IRAG2: variants seen among roughly 807,000 people sequenced by gnomAD.
The protein encoded by IRAG2 is lymphoid restricted membrane protein.
Under a neutral mutation model 69.9 loss-of-function variants are expected in IRAG2, and 45 were observed. The ratio of observed to expected loss-of-function variants is 0.64; its 90% CI spans 0.51 to 0.83. The LOEUF (loss-of-function observed/expected upper bound fraction) is 0.83, where lower values mean the gene tolerates loss of function less well. IRAG2 is among the 40% of genes least tolerant of loss of function. The pLI is 0.00. For synonymous variants in IRAG2, 193 were observed against 202.4 expected (o/e 0.95, Z 0.40); for missense variants, 520 against 587.0 (o/e 0.89, Z 1.18).
intron 2 of IRAG2, among the ~76,000 whole-genome samples, chr12:25,008,505 G>A (rs1195388370): frequency 6.6e-6 from 1 of 152,098 alleles, no homozygotes; most frequent in Non-Finnish European, 1.5e-5. Context: ...TTGGGAGGCT[G>A]AGGTGGGCAG....
chr12:25,095,898 C>T (rs765985208), intron 14 of IRAG2, among the ~76,000 whole-genome samples: 1 of 152,218 alleles, frequency 6.6e-6, no homozygotes, highest in African/African-American at 2.4e-5. Flanking sequence ...AACATCTGCT[C>T]TTTCCTTCCC....
At position 25,096,957 on chromosome 12, in the gene IRAG2, TAAG is replaced by T; in HGVS notation, c.658_660del (p.Lys220del). On this transcript the variant is annotated inframe_deletion, in exon 15 of 22. Coordinates refer to ENST00000556887, the MANE Select transcript of IRAG2 (RefSeq NM_001366544.2). ...ATGACAACCAGGCACAGGAAATCAT[TAAG>T]AAGCTGGAGAAGAGTATAAAGTTTC... is the stretch of plus-strand genomic sequence containing the variant. 6.2e-7 allele frequency: 1 copy of T among 1,613,812 alleles called. No individual in the cohort carries two copies. The highest frequency in any genetic ancestry group is 1.3e-5 in the African/African-American group (1 of 75,028).
At chr12:25,036,282 G>T (rs774445204) in intron 14 of IRAG2, among the ~76,000 whole-genome samples, 1 of 151,982 alleles carries the variant, frequency 6.6e-6, no homozygotes, top group African/African-American at 2.4e-5. Context: ...TGTACATTTT[G>T]GTACATTTTA....
upstream of IRAG2, among the ~76,000 whole-genome samples, chr12:24,999,818 T>TAA (rs11403723): frequency 6.8e-4 from 97 of 142,018 alleles, 1 homozygote; most frequent in Middle Eastern, 3.5e-3. Context: ...CAGATTTAGC[T>TAA]AAAAAAAAAA....
upstream of IRAG2, among the ~76,000 whole-genome samples, chr12:25,000,865 G>A (rs905298836): frequency 6.6e-6 from 1 of 152,142 alleles, no homozygotes; most frequent in Non-Finnish European, 1.5e-5. Flanking sequence ...CTTTTCAAAG[G>A]CAGTTACTGT....
upstream of IRAG2, among the ~76,000 whole-genome samples, chr12:25,001,993 A>G (rs1331902684): frequency 3.3e-5 from 5 of 151,678 alleles, no homozygotes; most frequent in South Asian, 6.2e-4. Context: ...CTGGTCTCGA[A>G]CTCCTGACCT....
At chr12:25,013,866 C>CTTTTTTTTTTTTTTTTTTTTTTTTT (rs71063386) in intron 3 of IRAG2, among the ~76,000 whole-genome samples, 2 of 79,530 alleles carry the variant, frequency 2.5e-5, no homozygotes, top group Non-Finnish European at 2.2e-5. Context: ...TTTTCTTTTT[C>CTTTTTTTTTTTTTTTTTTTTTTTTT]TTTTTTTTTT....
the IRAG2 span, among the ~76,000 whole-genome samples, chr12:24,998,897 GAT>G: frequency 7.8e-6 from 1 of 129,014 alleles, no homozygotes; most frequent in African/African-American, 3.4e-5. Context: ...AAACAGGAAA[GAT>G]AATTACATTG....
intron 15 of IRAG2, among the ~76,000 whole-genome samples, chr12:25,098,810 C>G (rs1429419277): frequency 6.6e-6 from 1 of 152,178 alleles, no homozygotes; most frequent in African/African-American, 2.4e-5. Context: ...CACGTTCTCT[C>G]CAACCCACTC....
chr12:25,041,699 G>A (rs1324179426), intron 16 of IRAG2, among the ~76,000 whole-genome samples: 7 of 149,854 alleles, frequency 4.7e-5, no homozygotes, highest in African/African-American at 1.7e-4. Flanking sequence ...TAGAGATGGG[G>A]TTTTGCTGTG....
At chr12:25,059,421 G>A (rs1242147988) in intron 1 of IRAG2, among the ~76,000 whole-genome samples, 5 of 151,902 alleles carry the variant, frequency 3.3e-5, no homozygotes, top group Admixed American at 2.0e-4. Context: ...GCTTGATCTC[G>A]GCTCACTGCA....
exon 14 of IRAG2, chr12:25,035,709 G>A (rs1188475486): frequency 2.5e-6 from 1 of 398,932 alleles, no homozygotes; most frequent in East Asian, 3.6e-5. Context: ...TGGACGCCAT[G>A]ATGGATCAGG....
chr12:25,009,684 T>C (rs888469421), intron 2 of IRAG2, among the ~76,000 whole-genome samples: 1 of 152,180 alleles, frequency 6.6e-6, no homozygotes, highest in Admixed American at 6.5e-5. Context: ...ATCCAACAGT[T>C]TGGTCCCATT....
upstream of IRAG2, among the ~76,000 whole-genome samples, chr12:25,049,908 G>A (rs1050244220): frequency 2.0e-5 from 3 of 150,740 alleles, no homozygotes; most frequent in Non-Finnish European, 2.9e-5. Flanking sequence ...GTGGGAACCC[G>A]GGAGGCGGAG....
chr12:25,020,855 T>A (rs1944572899), exon 7 of IRAG2: 1 of 1,231,962 alleles, frequency 8.1e-7, no homozygotes, highest in Admixed American at 4.2e-5. Context: ...AAACTTAGTA[T>A]GAATGCTTCA....
chr12:25,103,911 C>G lies in IRAG2; in HGVS notation c.996+12C>G. ...GAAATGCAGGAATGGTAAGACAATT[C>G]CTAAGTGTTCTTAGTCAAAGGTAAA... On this transcript the variant is annotated intron_variant, in intron 18 of 21. Transcript: ENST00000556887. 1 of 1,610,704 alleles carries G rather than the reference C, an allele frequency of 6.2e-7. No individual in the cohort carries two copies.
At position 25,061,597 on chromosome 12, in the gene IRAG2, A is replaced by G; in HGVS notation, c.-441A>G. The G allele has an allele frequency of 2.5e-6, 1 of 398,484 alleles. No homozygotes were observed. Among genetic ancestry groups the G allele is most frequent in the East Asian group, 3.6e-5 (1 of 28,080 alleles). The allele number at this position is 398,484 out of a possible 1,614,324, so 24.7% of individuals were successfully genotyped here. A position where few individuals can be genotyped will look rare whatever the true frequency, so the allele number is the denominator to read the frequency against. ...GTTATAAATTCTCTTTGTAGCAACAATTGAGTCACTTCAAAAGGAGTTCAT... is the reference window on the plus strand; with the variant it reads ...GTTATAAATTCTCTTTGTAGCAACAGTTGAGTCACTTCAAAAGGAGTTCAT... On this transcript the variant is annotated 5_prime_UTR_variant, in exon 2 of 22. Coordinates refer to ENST00000556887, the MANE Select transcript of IRAG2 (RefSeq NM_001366544.2).
chr12:25,078,945 T>G (rs1267681921), intron 6 of IRAG2, among the ~76,000 whole-genome samples: 1 of 152,238 alleles, frequency 6.6e-6, no homozygotes, highest in East Asian at 1.9e-4. Context: ...GACTTAAGCG[T>G]ATGAAATAAA....
At chr12:25,049,982 CAA>C (rs56185966), upstream of IRAG2, among the ~76,000 whole-genome samples, 11 of 71,270 alleles carry the variant, frequency 1.5e-4, no homozygotes, top group African/African-American at 4.4e-4. Flanking sequence ...AACTGTGTCT[CAA>C]AAAAAAAAAA....
Sources: allele counts gnomAD v4.1 joint callset (sites outside exome capture counted in the v4.1 genomes callset), GRCh38; gene constraint gnomAD v4.1.1; transcripts MANE v1.5; gene names NCBI Gene and HGNC (gene_info 2026-07-23, HGNC 2026-07-21).